GGTA1: variants seen among roughly 807,000 people sequenced by gnomAD.
GGTA1 encodes the protein glycoprotein alpha-galactosyltransferase 1 (inactive), also known as inactive N-acetyllactosaminide alpha-1,3-galactosyltransferase.
GGTA1 carries 5 observed loss-of-function variants against 2.6 expected under a neutral mutation model. The observed-to-expected ratio is 1.92, with a 90% CI of 1.00 to 4.04. GGTA1 has a LOEUF of 4.04. Ranked by LOEUF, GGTA1 falls within the 30% of genes most tolerant of loss-of-function variation. The probability of loss-of-function intolerance (pLI) is 0.00; values close to 1 mark genes in which losing one functional copy is unlikely to be tolerated. For synonymous variants in GGTA1, 17 were observed against 5.0 expected (o/e 3.38, Z -3.19); for missense variants, 50 against 16.7 (o/e 2.99, Z -3.47).
intron 1 of GGTA1, among the ~76,000 whole-genome samples, chr9:121,489,080 C>G (rs1215761491): frequency 6.6e-6 from 1 of 152,074 alleles, no homozygotes; most frequent in Admixed American, 6.5e-5. Flanking sequence ...AATTTGGTAA[C>G]CCAGTTGTTA....
rs1268273720 is a variant in GGTA1, at chr9:121,461,308, T to C, written c.126A>G (p.Glu42=). Reference sequence around the variant, plus strand: ...CCTTCTGAGCACTGCTGTCATCAACTTCTGGGTTTCTAAGAAATGAAAAAG... The same window carrying C: ...CCTTCTGAGCACTGCTGTCATCAACCTCTGGGTTTCTAAGAAATGAAAAAG... ...FLWIYHSKNP[E]VDDSSAQKGW... is the part of the protein sequence containing the mutation. Residue 42 remains glutamate (E), a synonymous_variant, in exon 4 of 6, where the codon GAA becomes GAG. Coordinates refer to ENST00000481799, the MANE Select transcript of GGTA1 (RefSeq NM_001382585.1). 2 of 455,868 alleles carry C rather than the reference T, an allele frequency of 4.4e-6. No individual in the cohort carries two copies. The highest frequency in any genetic ancestry group is 8.8e-6 in the Non-Finnish European group (2 of 226,788). 28.2% of individuals were successfully genotyped at this position (455,868 alleles called of 1,614,324 possible).
intron 5 of GGTA1, among the ~76,000 whole-genome samples, chr9:121,457,909 T>A (rs1416601871): frequency 7.2e-6 from 1 of 138,110 alleles, no homozygotes; most frequent in Non-Finnish European, 1.6e-5. Flanking sequence ...CAGAAAAGGA[T>A]ACTTTTTTTT....
At chr9:121,449,894 T>C (rs1409145990) in intron 7 of GGTA1, among the ~76,000 whole-genome samples, 1 of 150,440 alleles carries the variant, frequency 6.6e-6, no homozygotes, top group Non-Finnish European at 1.5e-5. Context: ...ATTTTATTGG[T>C]GTCTTCTGTA....
chr9:121,479,288 C>G (rs192521698), intron 1 of GGTA1: 1 of 364,676 alleles, frequency 2.7e-6, no homozygotes, highest in Admixed American at 3.7e-5. Flanking sequence ...CTCCCTTCTG[C>G]AGAAGGAGGC....
intron 1 of GGTA1, among the ~76,000 whole-genome samples, chr9:121,485,100 A>G (rs1281096229): frequency 6.6e-6 from 1 of 152,266 alleles, no homozygotes; most frequent in Non-Finnish European, 1.5e-5. Flanking sequence ...GAAGAGGCTC[A>G]TGATTTGTAT....
chr9:121,472,946 T>C (rs552540663), intron 1 of GGTA1, among the ~76,000 whole-genome samples: 13 of 152,138 alleles, frequency 8.5e-5, no homozygotes, highest in Non-Finnish European at 1.8e-4. Flanking sequence ...CAGAAGCAAC[T>C]CTTGAAGCCC....
chr9:121,449,460 G>A (rs1013881885), intron 7 of GGTA1, among the ~76,000 whole-genome samples: 7 of 152,152 alleles, frequency 4.6e-5, no homozygotes, highest in African/African-American at 1.4e-4. Context: ...TCAGCATTTG[G>A]TGTTGTCAGT....
At chr9:121,473,338 AG>A (rs1480154026) in intron 1 of GGTA1, among the ~76,000 whole-genome samples, 4 of 140,016 alleles carry the variant, frequency 2.9e-5, no homozygotes, top group African/African-American at 1.1e-4. Context: ...AAAAAAAAAA[AG>A]ACTTAGAATT....
chr9:121,465,801 T>G (rs1353094292), intron 2 of GGTA1, among the ~76,000 whole-genome samples: 3 of 152,206 alleles, frequency 2.0e-5, no homozygotes, highest in African/African-American at 7.2e-5. Flanking sequence ...AGGAGGAGGA[T>G]GACAGCTAGC....
At position 121,460,922 on chromosome 9, in the gene GGTA1, G is replaced by C. The variant is rs114063848; in HGVS notation, c.182+330C>G. Among the ~76,000 whole-genome samples, 1,273 of 151,772 alleles carry C rather than the reference G, an allele frequency of 8.4e-3. 19 individuals are homozygous for C. Among genetic ancestry groups the C allele is most frequent in the African/African-American group, 0.029 (1,212 of 41,332 alleles). On this transcript the variant is annotated intron_variant, in intron 4 of 5. Transcript: ENST00000481799. ...TTAACTGAAACAAAACAAAACAAAA[G>C]ACTTATTTATCTGGATGTGGTAGTG...
chr9:121,451,444 C>T (rs141676049), downstream of GGTA1, among the ~76,000 whole-genome samples: 13 of 152,334 alleles, frequency 8.5e-5, no homozygotes, highest in East Asian at 2.5e-3. Context: ...CTCGGCCTCC[C>T]AAAGTGCTGG....
At chr9:121,491,375 C>T (rs2118767726) in intron 1 of GGTA1, among the ~76,000 whole-genome samples, 1 of 152,292 alleles carries the variant, frequency 6.6e-6, no homozygotes, top group South Asian at 2.1e-4. Flanking sequence ...TCTCTGTGCC[C>T]CTCCAGCCAC....
In GGTA1 at chr9:121,464,994, AAC is replaced by A. The variant is rs796972131; in HGVS notation, c.81-1668_81-1667del. On this transcript the variant is annotated intron_variant, in intron 2 of 5. Coordinates refer to ENST00000481799, the MANE Select transcript of GGTA1 (RefSeq NM_001382585.1). ...TGGCCAATTCGTAAAGTGGCAAAAA[AAC>A]AAAACAAACAAAAAAAAAAAAACAA... 5.6e-4 allele frequency among the ~76,000 whole-genome samples: 58 copies of A among 104,104 alleles called. 1 individual carries two copies. Among genetic ancestry groups the A allele is most frequent in the African/African-American group, 1.8e-3 (56 of 31,494 alleles). 68.3% of individuals were successfully genotyped at this position (104,104 alleles called of 152,430 possible). A position where few individuals can be genotyped will look rare whatever the true frequency, so the allele number is the denominator to read the frequency against.
chr9:121,463,179 C>A, intron 3 of GGTA1, 114 bp downstream of exon 3: 1 of 427,676 alleles, frequency 2.3e-6, no homozygotes, highest in East Asian at 7.1e-5. Flanking sequence ...CCCACCCACC[C>A]CTCCGACTTT....
At chr9:121,460,460 C>A (rs1019644378) in intron 4 of GGTA1, among the ~76,000 whole-genome samples, 2 of 152,192 alleles carry the variant, frequency 1.3e-5, no homozygotes, top group Non-Finnish European at 2.9e-5. Flanking sequence ...AATGACCCAG[C>A]AACCCTCAGG....
At chr9:121,460,634 C>T (rs968451443) in intron 4 of GGTA1, among the ~76,000 whole-genome samples, 3 of 152,140 alleles carry the variant, frequency 2.0e-5, no homozygotes, top group Admixed American at 2.0e-4. Flanking sequence ...GATCACCTGT[C>T]AGGAGTTAGA....
downstream of GGTA1, among the ~76,000 whole-genome samples, chr9:121,454,454 C>T (rs2064895132): frequency 6.6e-6 from 1 of 152,230 alleles, no homozygotes; most frequent in Admixed American, 6.5e-5. Flanking sequence ...GTGCAAAGGG[C>T]TCACTCACCC....
chr9:121,468,626 A>G (rs1187759478), intron 1 of GGTA1, among the ~76,000 whole-genome samples: 2 of 152,342 alleles, frequency 1.3e-5, no homozygotes, highest in East Asian at 3.9e-4. Flanking sequence ...ACTAATTTAC[A>G]TGCCCACCTA....
intron 1 of GGTA1, among the ~76,000 whole-genome samples, chr9:121,497,277 ATTATAT>A (rs1829014900): frequency 6.6e-6 from 1 of 152,108 alleles, no homozygotes; most frequent in African/African-American, 2.4e-5. Context: ...TTCAGATAAA[ATTATAT>A]TTATGAGTTT....
Sources: gnomAD v4.1 joint callset for allele counts (sites outside exome capture counted in the v4.1 genomes callset) on GRCh38, gnomAD v4.1.1 for gene constraint, MANE v1.5 for transcripts, NCBI Gene and HGNC (gene_info 2026-07-23, HGNC 2026-07-21) for gene names.